Variants in E2F6 observed in about 807,000 individuals in gnomAD.
E2F6 encodes E2F transcription factor 6.
Under a neutral mutation model 31.5 loss-of-function variants are expected in E2F6, and 19 were observed. That is an observed-to-expected ratio of 0.60 (90% CI 0.42 to 0.89). The LOEUF (loss-of-function observed/expected upper bound fraction) is 0.89. Ranked by LOEUF, E2F6 falls within the 40% of genes least tolerant of loss-of-function variation. E2F6 has a pLI of 0.00. For missense variants in E2F6, 269 were observed against 341.6 expected (o/e 0.79, Z 1.67); for synonymous variants, 121 against 127.7 (o/e 0.95, Z 0.36).
In E2F6 at chr2:11,446,283, T is replaced by C. The variant is rs1227948412; in HGVS notation, c.*194A>G. ...AGTGAATAATTATAAAAGGAGTTGT[T>C]TTCAAATGTGGAAACCACAATTACT... is the stretch of plus-strand genomic sequence containing the variant. On this transcript the variant is annotated 3_prime_UTR_variant, in exon 7 of 7. Coordinates refer to ENST00000381525, the MANE Select transcript of E2F6 (RefSeq NM_198256.4). 3 of 516,572 alleles carry C rather than the reference T, an allele frequency of 5.8e-6. No individual in the cohort carries two copies. The East Asian group carries it at 9.8e-5, about 17-fold the overall frequency. The allele number at this position is 516,572 out of a possible 1,614,324, so 32.0% of individuals were successfully genotyped here.
chr2:11,446,449 T>A lies in E2F6; in HGVS notation c.*28A>T, dbSNP rs560959422. On this transcript the variant is annotated 3_prime_UTR_variant, in exon 7 of 7. Coordinates refer to ENST00000381525, the MANE Select transcript of E2F6 (RefSeq NM_198256.4). ...CTCCACGAAGATATTCCCAAAAAAC[T>A]CAGTGATACATAAATTCTCAAATGC... 2 of 1,539,202 alleles carry A rather than the reference T, an allele frequency of 1.3e-6. No homozygotes were observed. Among genetic ancestry groups the A allele is most frequent in the South Asian group, 2.3e-5 (2 of 87,756 alleles).
chr2:11,465,733 G>A, intron 1 of E2F6, 39 bp downstream of exon 1: 1 of 1,551,764 alleles, frequency 6.4e-7, no homozygotes, highest in African/African-American at 1.4e-5. Context: ...GCCGGATTTG[G>A]GAGACCACCG....
chr2:11,465,743 G>A (rs943004438), intron 1 of E2F6, 29 bp downstream of exon 1: 3 of 1,559,362 alleles, frequency 1.9e-6, no homozygotes, highest in African/African-American at 1.4e-5. Context: ...GGAGACCACC[G>A]CCCGTCCCCG....
chr2:11,452,559 G>C (rs533526937), intron 3 of E2F6, among the ~76,000 whole-genome samples: 2 of 151,270 alleles, frequency 1.3e-5, no homozygotes, highest in Non-Finnish European at 2.9e-5. Context: ...AGCCGAGATT[G>C]TGCCACTATA....
intron 5 of E2F6, among the ~76,000 whole-genome samples, chr2:11,448,784 T>C (rs1169874782): frequency 6.6e-6 from 1 of 152,262 alleles, no homozygotes; most frequent in Non-Finnish European, 1.5e-5. Flanking sequence ...ACTATCCCTG[T>C]CACAACCTTT....
intron 4 of E2F6, 71 bp from the exon 5 acceptor site, chr2:11,450,197 GT>G (rs1670974925): frequency 1.1e-6 from 1 of 948,944 alleles, no homozygotes; most frequent in African/African-American, 1.7e-5. Context: ...TAGTAATTCA[GT>G]TAACGCAAGG....
intron 2 of E2F6, chr2:11,456,958 C>A: frequency 2.1e-6 from 1 of 478,130 alleles, no homozygotes; most frequent in Non-Finnish European, 3.8e-6. Context: ...GAGAAAATAG[C>A]CTTAAATACA....
At chr2:11,455,522 C>T (rs139355387) in intron 2 of E2F6, 16,901 of 1,222,182 alleles carry the variant, frequency 0.014, 142 homozygotes, top group Middle Eastern at 0.025. Context: ...GATTTTTAAT[C>T]GGAAGTAGAG....
chr2:11,449,408 A>G (rs1055087818), intron 5 of E2F6, among the ~76,000 whole-genome samples: 1 of 152,180 alleles, frequency 6.6e-6, no homozygotes, highest in African/African-American at 2.4e-5. Context: ...AGTCTTGAGG[A>G]TGTGTCCCAA....
chr2:11,450,831 G>A (rs1423886365), intron 4 of E2F6, among the ~76,000 whole-genome samples: 1 of 151,624 alleles, frequency 6.6e-6, no homozygotes, highest in Non-Finnish European at 1.5e-5. Context: ...AGAGGTTTTT[G>A]ACTGCTGGAG....
At chr2:11,452,660 T>A (rs1275246052) in intron 3 of E2F6, among the ~76,000 whole-genome samples, 1 of 152,118 alleles carries the variant, frequency 6.6e-6, no homozygotes, top group Non-Finnish European at 1.5e-5. Flanking sequence ...TACTCCAATA[T>A]GATATGACCA....
intron 1 of E2F6, among the ~76,000 whole-genome samples, chr2:11,459,898 T>C (rs751045936): frequency 7.9e-5 from 12 of 151,082 alleles, no homozygotes; most frequent in Non-Finnish European, 1.6e-4. Context: ...AAAAAAAAGA[T>C]GATAAATAGG....
Position 11,447,739 on chromosome 2 carries a change from T to C in E2F6, c.687A>G (p.Gly229=), listed in dbSNP as rs1197186111. ...CTTCACACAAATAGACATCGATAGGTCCGTTGGTGCTCCTTATGTGCACTG... is the reference window on the plus strand; with the variant it reads ...CTTCACACAAATAGACATCGATAGGCCCGTTGGTGCTCCTTATGTGCACTG... ...SITVHIRSTN[G]PIDVYLCEVE... is the part of the protein sequence containing the mutation. The change falls in exon 6 of 7, where the codon GGA becomes GGG. Residue 229 remains glycine, a synonymous_variant. Transcript: ENST00000381525. The C allele has an allele frequency of 3.7e-6, 6 of 1,612,138 alleles. No individual in the cohort carries two copies. Among genetic ancestry groups the C allele is most frequent in the Admixed American group, 1.7e-5 (1 of 59,992 alleles).
Position 11,445,742 on chromosome 2 carries a change from T to C in E2F6, c.*735A>G, listed in dbSNP as rs1670675417. Reference sequence around the variant, plus strand: ...GGAGACAGCAATTAGGTAGACAGCTTAAAACCAAGAAGTATCTGACTCCAA... The same window carrying C: ...GGAGACAGCAATTAGGTAGACAGCTCAAAACCAAGAAGTATCTGACTCCAA... On this transcript the variant is annotated 3_prime_UTR_variant, in exon 7 of 7. Transcript: ENST00000381525. The C allele has an allele frequency of 6.6e-6, 1 of 152,154 alleles. No individual in the cohort carries two copies. The highest frequency in any genetic ancestry group is 2.4e-5 in the African/African-American group (1 of 41,420). 9.4% of individuals were successfully genotyped at this position (152,154 alleles called of 1,614,324 possible).
At chr2:11,462,106 G>A (rs933993913) in intron 1 of E2F6, among the ~76,000 whole-genome samples, 4 of 152,092 alleles carry the variant, frequency 2.6e-5, no homozygotes, top group African/African-American at 9.7e-5. Flanking sequence ...CCCCAATTAA[G>A]GAAACTCATC....
chr2:11,462,162 G>A (rs35306821), intron 1 of E2F6, among the ~76,000 whole-genome samples: 66,043 of 151,810 alleles, frequency 0.44, 15,200 homozygotes, highest in East Asian at 0.61. Context: ...CAAAATCTGT[G>A]TTAGTATTGG....
At chr2:11,459,092 G>C (rs1050431001) in intron 1 of E2F6, among the ~76,000 whole-genome samples, 3 of 150,928 alleles carry the variant, frequency 2.0e-5, no homozygotes, top group African/African-American at 7.3e-5. Context: ...CAAGATTCTT[G>C]AATGGAAAAA....
In E2F6 at chr2:11,450,132, A is replaced by G; in HGVS notation, c.537-6T>C. On this transcript the variant is annotated splice_region_variant and splice_polypyrimidine_tract_variant and intron_variant, in intron 4 of 6. Transcript: ENST00000381525. ...GATAGGTCACATATGCTAGTGTAAA[A>G]CTCAGTCAAGGATCTCTACACAGAA... 6.3e-7 allele frequency: 1 copy of G among 1,594,970 alleles called. No homozygotes were observed. The highest frequency in any genetic ancestry group is 8.6e-7 in the Non-Finnish European group (1 of 1,164,588).
intron 1 of E2F6, chr2:11,458,387 A>C: frequency 6.5e-7 from 1 of 1,547,832 alleles, no homozygotes; most frequent in African/African-American, 1.4e-5. Flanking sequence ...GGATTGTGGT[A>C]CCGGAAATGA....
Sources: gnomAD v4.1 joint callset for allele counts (sites outside exome capture counted in the v4.1 genomes callset) on GRCh38, gnomAD v4.1.1 for gene constraint, MANE v1.5 for transcripts, NCBI Gene and HGNC (gene_info 2026-07-23, HGNC 2026-07-21) for gene names.